The following CBR4 variants were observed in gnomAD, a reference collection of about 807,000 sequenced individuals.
CBR4 encodes carbonyl reductase 4, also known as 3-oxoacyl-[acyl-carrier-protein] reductase.
CBR4 carries 22 observed loss-of-function variants against 21.0 expected under a neutral mutation model. The observed-to-expected ratio is 1.05, with a 90% CI of 0.75 to 1.50. CBR4 has a LOEUF of 1.50. Ranked by LOEUF, CBR4 falls within the 40% of genes most tolerant of loss-of-function variation. The probability of loss-of-function intolerance (pLI) is 0.00; values close to 1 mark genes in which losing one functional copy is unlikely to be tolerated. For synonymous variants in CBR4, 100 were observed against 104.4 expected (o/e 0.96, Z 0.26); for missense variants, 302 against 286.3 (o/e 1.05, Z -0.40).
Position 168,905,138 on chromosome 4 carries a change from GT to G in CBR4, n.170-10374del, listed in dbSNP as rs777740588. The stretch of plus-strand genomic sequence containing the variant: ...TGAGACTTTGTTTTTTGTTTTGTTG[GT>G]TTTTTTTTTTTTTTTTTTTTTTTTT... On this transcript the variant is annotated intron_variant and non_coding_transcript_variant, in intron 2 of 3. Transcript: ENST00000509108. Among the ~76,000 whole-genome samples, 176 of 34,524 alleles carry G rather than the reference GT, an allele frequency of 5.1e-3. 41 individuals carry two copies. The highest frequency in any genetic ancestry group is 0.011 in the African/African-American group (149 of 13,022). 22.6% of individuals were successfully genotyped at this position (34,524 alleles called of 152,430 possible). A position where few individuals can be genotyped will look rare whatever the true frequency, so the allele number is the denominator to read the frequency against.
intron 2 of CBR4, among the ~76,000 whole-genome samples, chr4:168,981,227 C>T (rs568248787): frequency 6.6e-6 from 1 of 152,150 alleles, no homozygotes; most frequent in East Asian, 1.9e-4. Context: ...TGGTGAAACC[C>T]AGTCTCTACT....
intron 2 of CBR4, among the ~76,000 whole-genome samples, chr4:168,902,068 C>A (rs1191172495): frequency 1.3e-5 from 2 of 152,112 alleles, no homozygotes; most frequent in African/African-American, 4.8e-5. Flanking sequence ...ATAATTCATC[C>A]ATTTATTTAG....
chr4:168,906,830 GC>G (rs1292845987), intron 2 of CBR4, among the ~76,000 whole-genome samples: 2 of 151,550 alleles, frequency 1.3e-5, no homozygotes, highest in Non-Finnish European at 2.9e-5. Flanking sequence ...CTTACCCAAA[GC>G]CCAATATATA....
At chr4:168,962,066 A>G (rs1215926436) in intron 2 of CBR4, among the ~76,000 whole-genome samples, 1 of 152,232 alleles carries the variant, frequency 6.6e-6, no homozygotes, top group African/African-American at 2.4e-5. Context: ...ACGTTTTTAA[A>G]AAGAAAAAAG....
At chr4:168,947,906 C>T (rs376934288) in intron 2 of CBR4, among the ~76,000 whole-genome samples, 1 of 152,274 alleles carries the variant, frequency 6.6e-6, no homozygotes, top group South Asian at 2.1e-4. Context: ...AGTGGGATTG[C>T]CAGATCAAAT....
chr4:168,913,856 A>G, intron 2 of CBR4: 1 of 976,086 alleles, frequency 1.0e-6, no homozygotes, highest in Non-Finnish European at 1.7e-6. Context: ...AGAATAGGAC[A>G]GTAGGCATGA....
chr4:168,992,309 T>C (rs572246868), intron 4 of CBR4, among the ~76,000 whole-genome samples: 1 of 152,242 alleles, frequency 6.6e-6, no homozygotes, highest in Admixed American at 6.5e-5. Context: ...AGCTAAAGAA[T>C]GTGTACACAT....
At chr4:168,923,708 T>G (rs1762026873) in intron 2 of CBR4, among the ~76,000 whole-genome samples, 1 of 152,220 alleles carries the variant, frequency 6.6e-6, no homozygotes, top group Non-Finnish European at 1.5e-5. Context: ...GGTAACTATT[T>G]AAAGCTGCCA....
intron 2 of CBR4, among the ~76,000 whole-genome samples, chr4:168,932,507 G>A (rs1379281884): frequency 1.3e-5 from 2 of 152,226 alleles, no homozygotes; most frequent in African/African-American, 4.8e-5. Context: ...ATAGAAAACA[G>A]ATTTAATGAA....
At chr4:168,942,404 A>T (rs995196614) in intron 2 of CBR4, among the ~76,000 whole-genome samples, 2 of 151,552 alleles carry the variant, frequency 1.3e-5, no homozygotes, top group South Asian at 2.1e-4. Context: ...AGTACAATTT[A>T]AAAAAAAAGA....
intron 2 of CBR4, among the ~76,000 whole-genome samples, chr4:168,951,219 C>G (rs544584966): frequency 6.6e-6 from 1 of 152,194 alleles, no homozygotes; most frequent in South Asian, 2.1e-4. Context: ...CCACCACGCA[C>G]AGCTAATTTT....
chr4:168,962,010 G>A (rs1240554240), intron 2 of CBR4, among the ~76,000 whole-genome samples: 2 of 144,930 alleles, frequency 1.4e-5, no homozygotes, highest in Non-Finnish European at 3.0e-5. Context: ...AAGGAGAGGA[G>A]GAAGGCAAGC....
At chr4:168,914,141 T>C in intron 2 of CBR4, 1 of 728,240 alleles carries the variant, frequency 1.4e-6, no homozygotes, top group Non-Finnish European at 2.5e-6. Flanking sequence ...AGAATAGGAA[T>C]GCAAACCTGA....
intron 2 of CBR4, among the ~76,000 whole-genome samples, chr4:168,963,867 T>C (rs1226879342): frequency 6.6e-6 from 1 of 152,172 alleles, no homozygotes; most frequent in Non-Finnish European, 1.5e-5. Flanking sequence ...GGGAGTATAA[T>C]TACTGTGTCT....
At chr4:168,920,476 T>A (rs1038276190) in intron 2 of CBR4, among the ~76,000 whole-genome samples, 1 of 152,172 alleles carries the variant, frequency 6.6e-6, no homozygotes, top group Non-Finnish European at 1.5e-5. Flanking sequence ...GACATCTTTT[T>A]GTATATAACT....
At chr4:168,949,730 G>A (rs1763486360) in intron 2 of CBR4, among the ~76,000 whole-genome samples, 1 of 152,074 alleles carries the variant, frequency 6.6e-6, no homozygotes, top group Non-Finnish European at 1.5e-5. Flanking sequence ...GAATTCTGCT[G>A]TGAATCTGTC....
At chr4:168,933,252 T>C (rs1279869028) in intron 2 of CBR4, among the ~76,000 whole-genome samples, 3 of 152,088 alleles carry the variant, frequency 2.0e-5, no homozygotes, top group African/African-American at 7.2e-5. Flanking sequence ...TGCAACTATA[T>C]GCTGCCAAAT....
chr4:168,926,440 T>TATTCCTTTG, intron 2 of CBR4: 1 of 1,264,144 alleles, frequency 7.9e-7, no homozygotes, highest in Non-Finnish European at 1.1e-6. Flanking sequence ...TTGACCAACA[T>TATTCCTTTG]ATTCCTTTGT....
At chr4:168,953,037 G>A (rs543530907) in intron 2 of CBR4, among the ~76,000 whole-genome samples, 7 of 152,296 alleles carry the variant, frequency 4.6e-5, no homozygotes, top group Admixed American at 1.3e-4. Flanking sequence ...ACTAGCAGGT[G>A]GGGGAAGGGC....
Sources: gnomAD v4.1 joint callset for allele counts (sites outside exome capture counted in the v4.1 genomes callset) on GRCh38, gnomAD v4.1.1 for gene constraint, MANE v1.5 for transcripts, NCBI Gene and HGNC (gene_info 2026-07-23, HGNC 2026-07-21) for gene names.